The following DOCK3 variants were observed in gnomAD, a reference collection of about 807,000 sequenced individuals.
DOCK3 encodes the protein dedicator of cytokinesis protein 3.
DOCK3 carries 60 observed loss-of-function variants against 265.6 expected under a neutral mutation model. The ratio of observed to expected loss-of-function variants is 0.23; its 90% confidence interval spans 0.18 to 0.28. The LOEUF (loss-of-function observed/expected upper bound fraction) is 0.28, where lower values mean the gene tolerates loss of function less well. DOCK3 is among the 10% of genes least tolerant of loss of function. DOCK3 has a pLI of 1.00. For synonymous variants in DOCK3, 881 were observed against 938.0 expected, an observed-to-expected ratio of 0.94 and a Z score of 1.11; for missense variants, 1,981 against 2,594.3, an observed-to-expected ratio of 0.76 and a Z score of 5.14.
At position 51,354,909 on chromosome 3, in the gene DOCK3, G is replaced by T; in HGVS notation, c.4135G>T (p.Asp1379Tyr). The change falls in exon 41 of 53, where the codon GAC becomes TAC. Residue 1379 changes from aspartate (D) to tyrosine (Y), a missense_variant. By Grantham distance (160) the Asp-to-Tyr change is radical (BLOSUM62 -3). Around this residue, in one of 4 missense-constraint regions of DOCK3, gnomAD observed 1,357 missense variants for 1,866.8 expected, o/e 0.73. Coordinates refer to ENST00000266037, the MANE Select transcript of DOCK3 (RefSeq NM_004947.5). ...CAAAGAATACGTGTGCCGTGGCCAT[G>T]ACTACGAGAGGCTGGAGGCCTTCCA... ...RNKEYVCRGHDYERLEAFQQR... is the reference protein window; with the variant it reads ...RNKEYVCRGHYYERLEAFQQR... 1 of 1,613,908 alleles carries T rather than the reference G, an allele frequency of 6.2e-7. No homozygotes were observed. The highest frequency in any genetic ancestry group is 1.1e-5 in the South Asian group (1 of 91,076).
At chr3:51,330,717 T>C (rs569757521) in intron 33 of DOCK3, among the ~76,000 whole-genome samples, 3 of 152,322 alleles carry the variant, frequency 2.0e-5, no homozygotes, top group Admixed American at 2.0e-4. Context: ...ATGGTTGTAC[T>C]GAATGATGTC....
At chr3:50,741,770 A>G (rs1361724746) in intron 1 of DOCK3, among the ~76,000 whole-genome samples, 2 of 152,068 alleles carry the variant, frequency 1.3e-5, no homozygotes, top group African/African-American at 4.8e-5. Flanking sequence ...CATGATTTAT[A>G]GTCCTTTGGG....
intron 2 of DOCK3, among the ~76,000 whole-genome samples, chr3:50,785,150 T>C (rs2042120499): frequency 6.6e-6 from 1 of 152,000 alleles, no homozygotes; most frequent in South Asian, 2.1e-4. Context: ...AGAGCAAAAC[T>C]CCATCTCAAA....
chr3:51,090,400 A>T lies in DOCK3; in HGVS notation c.746+16A>T, dbSNP rs772095631. ...AGCAGATCAGGTGAGAGTCACTGGA[A>T]ATTCTGGTGAGGTTCTATGTTAGGA... On this transcript the variant is annotated intron_variant, in intron 9 of 52. Coordinates refer to ENST00000266037, the MANE Select transcript of DOCK3 (RefSeq NM_004947.5). The T allele has an allele frequency of 3.1e-6, 5 of 1,595,872 alleles. No individual in the cohort carries two copies. In the South Asian group the frequency reaches 5.7e-5, roughly 18 times the overall value.
At chr3:51,310,114 C>A in intron 27 of DOCK3, 118 bp from the exon 28 acceptor site, 1 of 762,686 alleles carries the variant, frequency 1.3e-6, no homozygotes, top group South Asian at 1.6e-5. Context: ...ACAGAGAGAA[C>A]CAGATCTAAC....
At chr3:50,933,661 G>T (rs954642353) in intron 4 of DOCK3, among the ~76,000 whole-genome samples, 11 of 151,920 alleles carry the variant, frequency 7.2e-5, no homozygotes, top group Non-Finnish European at 1.6e-4. Flanking sequence ...ACTAATCCGA[G>T]CAAGACTTGG....
intron 2 of DOCK3, among the ~76,000 whole-genome samples, chr3:50,836,850 G>A (rs948850429): frequency 3.3e-5 from 5 of 152,004 alleles, no homozygotes; most frequent in African/African-American, 9.7e-5. Context: ...AATGTCTTCC[G>A]CCAGATACCC....
chr3:50,744,574 C>T (rs1423716694), intron 1 of DOCK3, among the ~76,000 whole-genome samples: 1 of 152,062 alleles, frequency 6.6e-6, no homozygotes, highest in Non-Finnish European at 1.5e-5. Flanking sequence ...GCTGGGACTA[C>T]AGGCACGTGC....
chr3:51,360,736 A>G (rs2086673857), intron 47 of DOCK3, 104 bp downstream of exon 47: 2 of 1,472,528 alleles, frequency 1.4e-6, no homozygotes, highest in Middle Eastern at 2.4e-4. Flanking sequence ...CCTCTTACCC[A>G]TGCACACAGC....
chr3:50,912,730 G>GCT (rs577180780), intron 4 of DOCK3, among the ~76,000 whole-genome samples: 1 of 151,878 alleles, frequency 6.6e-6, no homozygotes, highest in African/African-American at 2.4e-5. Flanking sequence ...TGCTGCCACA[G>GCT]GCCCACAGGC....
At chr3:51,184,560 A>C (rs2087488172) in intron 12 of DOCK3, among the ~76,000 whole-genome samples, 1 of 151,648 alleles carries the variant, frequency 6.6e-6, no homozygotes, top group Middle Eastern at 3.4e-3. Flanking sequence ...AAAAAAAAAA[A>C]GTTACTGAAT....
At position 50,694,030 on chromosome 3, in the gene DOCK3, A is replaced by G. The variant is rs545087179; in HGVS notation, c.37+18730A>G. ...ACGCCTGTAATCCCAGCACTTTGGG[A>G]GTCTGAGGCAGGAGGATCACCTGAG... On this transcript the variant is annotated intron_variant, in intron 1 of 52. Coordinates refer to ENST00000266037, the MANE Select transcript of DOCK3 (RefSeq NM_004947.5). 2.6e-5 allele frequency among the ~76,000 whole-genome samples: 4 copies of G among 152,124 alleles called. No individual in the cohort carries two copies. The East Asian group carries it at 7.8e-4, about 30-fold the overall frequency.
At chr3:51,254,476 C>G (rs1395320116) in intron 22 of DOCK3, among the ~76,000 whole-genome samples, 1 of 152,148 alleles carries the variant, frequency 6.6e-6, no homozygotes, top group Non-Finnish European at 1.5e-5. Flanking sequence ...GTGTTAAAGT[C>G]TCCCATTGTT....
intron 2 of DOCK3, among the ~76,000 whole-genome samples, chr3:50,814,306 G>A (rs937441529): frequency 1.3e-5 from 2 of 151,858 alleles, no homozygotes; most frequent in Admixed American, 6.6e-5. Flanking sequence ...TAGCCCTGTC[G>A]CCCAGGCTGG....
At position 50,890,007 on chromosome 3, in the gene DOCK3, A is replaced by G; in HGVS notation, c.163-19A>G. ...CACAATTTTATTTTTTCTAACAGGA[A>G]ATATTTTCTCTTTTACAGGGGATCT... On this transcript the variant is annotated intron_variant, in intron 3 of 52. Coordinates refer to ENST00000266037, the MANE Select transcript of DOCK3 (RefSeq NM_004947.5). The G allele has an allele frequency of 7.1e-7, 1 of 1,400,116 alleles. No individual in the cohort carries two copies. Among genetic ancestry groups the G allele is most frequent in the Non-Finnish European group, 9.2e-7 (1 of 1,083,252 alleles). 86.7% of individuals were successfully genotyped at this position (1,400,116 alleles called of 1,614,324 possible). A position where few individuals can be genotyped will look rare whatever the true frequency, so the allele number is the denominator to read the frequency against.
chr3:51,042,978 A>C (rs993728117), intron 5 of DOCK3, among the ~76,000 whole-genome samples: 1 of 151,816 alleles, frequency 6.6e-6, no homozygotes, highest in Non-Finnish European at 1.5e-5. Flanking sequence ...TTCCACACTC[A>C]TGGATAGGAA....
intron 5 of DOCK3, among the ~76,000 whole-genome samples, chr3:50,962,334 A>G (rs1264237893): frequency 1.3e-5 from 2 of 152,278 alleles, no homozygotes; most frequent in East Asian, 1.9e-4. Flanking sequence ...CTCTTCTGAT[A>G]CCTATCTAAA....
intron 51 of DOCK3, among the ~76,000 whole-genome samples, chr3:51,378,713 C>G (rs2088343742): frequency 6.6e-6 from 1 of 152,252 alleles, no homozygotes; most frequent in Non-Finnish European, 1.5e-5. Context: ...GTGGCACCCT[C>G]AGACCCCAAG....
At chr3:50,947,110 GT>G (rs564590149) in intron 5 of DOCK3, among the ~76,000 whole-genome samples, 3,071 of 151,162 alleles carry the variant, frequency 0.02, 107 homozygotes, top group African/African-American at 0.067. Flanking sequence ...TAATTTACTA[GT>G]TTTTTTTTAT....
Sources: gnomAD v4.1 joint callset for allele counts (sites outside exome capture counted in the v4.1 genomes callset) on GRCh38, gnomAD v4.1.1 for gene constraint, gnomAD v4.1.1 regional missense constraint, MANE v1.5 for transcripts, NCBI Gene and HGNC (gene_info 2026-07-23, HGNC 2026-07-21) for gene names.